Variants in CDH22 observed in about 807,000 individuals in gnomAD.
CDH22 encodes cadherin 22.
CDH22 carries 30 observed loss-of-function variants against 58.4 expected under a neutral mutation model. The ratio of observed to expected loss-of-function variants is 0.51; its 90% CI spans 0.38 to 0.70. The LOEUF (loss-of-function observed/expected upper bound fraction) is 0.70, where lower values mean the gene tolerates loss of function less well. Ranked by LOEUF, CDH22 falls within the 30% of genes least tolerant of loss-of-function variation. The pLI, the probability that CDH22 is intolerant of heterozygous loss-of-function variation, is 0.00. For missense variants in CDH22, 1,014 were observed against 1,233.9 expected (o/e 0.82, Z 2.67); for synonymous variants, 513 against 558.2 (o/e 0.92, Z 1.14).
rs202193739 is a variant in CDH22, at chr20:46,217,234, A to G, written c.671-241T>C. On this transcript the variant is annotated intron_variant, in intron 4 of 11. Coordinates refer to ENST00000537909, the MANE Select transcript of CDH22 (RefSeq NM_021248.3). ...CATGCCCACACAGATATACTCACAC[A>G]TGCTCACACACACGGTCACACAGAT... 4.2e-4 allele frequency among the ~76,000 whole-genome samples: 64 copies of G among 152,204 alleles called. No individual in the cohort carries two copies. In the East Asian group the frequency reaches 0.012, roughly 29 times the overall value.
intron 4 of CDH22, among the ~76,000 whole-genome samples, chr20:46,217,720 C>T (rs906306170): frequency 1.2e-4 from 18 of 152,022 alleles, no homozygotes; most frequent in African/African-American, 3.9e-4. Context: ...TCACAAATAA[C>T]TCATACTCAC....
chr20:46,247,279 C>T (rs549497724), intron 2 of CDH22, among the ~76,000 whole-genome samples: 14 of 152,256 alleles, frequency 9.2e-5, no homozygotes, highest in Admixed American at 2.6e-4. Context: ...GACTCCCCAA[C>T]GCCAGACTTT....
intron 1 of CDH22, among the ~76,000 whole-genome samples, chr20:46,266,807 G>A (rs534831488): frequency 1.4e-4 from 21 of 152,240 alleles, no homozygotes; most frequent in East Asian, 1.9e-4. Context: ...GGGTCATGCC[G>A]GTGTATAGCA....
chr20:46,210,066 C>G lies in CDH22; in HGVS notation c.1286+241G>C. ...CTGTGTCTGTCCCTCCTGGTTCTCTCCCTTATTGGCCTGGCTCGCCTGCCT... is the reference window on the plus strand; with the variant it reads ...CTGTGTCTGTCCCTCCTGGTTCTCTGCCTTATTGGCCTGGCTCGCCTGCCT... On this transcript the variant is annotated intron_variant, in intron 7 of 11. Transcript: ENST00000537909. The surrounding 1 kb of genome is among the most constrained non-coding windows in gnomAD (Gnocchi z 4.5). 1 of 425,096 alleles carries G rather than the reference C, an allele frequency of 2.4e-6. No homozygotes were observed. Among genetic ancestry groups the G allele is most frequent in the Non-Finnish European group, 4.2e-6 (1 of 240,200 alleles). The allele number at this position is 425,096 out of a possible 1,614,324, so 26.3% of individuals were successfully genotyped here.
chr20:46,209,270 C>T (rs892759579), intron 7 of CDH22, among the ~76,000 whole-genome samples: 7 of 152,042 alleles, frequency 4.6e-5, no homozygotes, highest in South Asian at 4.1e-4. Flanking sequence ...CGTTCTAGGC[C>T]GAGGGATCCG....
chr20:46,181,752 C>CTTCCTTTCTTTCT, intron 10 of CDH22, among the ~76,000 whole-genome samples: 49 of 26,264 alleles, frequency 1.9e-3, no homozygotes, highest in African/African-American at 6.2e-3. Flanking sequence ...TCCTTCCTTC[C>CTTCCTTTCTTTCT]TTCTTTCTTT....
At chr20:46,305,405 G>A (rs993630906) in intron 1 of CDH22, among the ~76,000 whole-genome samples, 1 of 152,212 alleles carries the variant, frequency 6.6e-6, no homozygotes, top group African/African-American at 2.4e-5. Context: ...GGGGGCATGA[G>A]GCTTTTCTCT....
chr20:46,293,756 C>G (rs1287416015), intron 1 of CDH22, among the ~76,000 whole-genome samples: 3 of 152,202 alleles, frequency 2.0e-5, no homozygotes, highest in Non-Finnish European at 2.9e-5. Context: ...GTGGCTCATG[C>G]CTGTAATCCC....
At chr20:46,191,445 G>A (rs965042363) in intron 8 of CDH22, among the ~76,000 whole-genome samples, 1 of 152,148 alleles carries the variant, frequency 6.6e-6, no homozygotes, top group Non-Finnish European at 1.5e-5. Context: ...GGGCCAATGG[G>A]AAGGCAAGAG....
chr20:46,175,686 C>G (rs1263525732), intron 11 of CDH22, among the ~76,000 whole-genome samples: 2 of 152,172 alleles, frequency 1.3e-5, no homozygotes, highest in African/African-American at 4.8e-5. Context: ...AAAGTGCGGC[C>G]CCTGGGCAAC....
intron 4 of CDH22, among the ~76,000 whole-genome samples, chr20:46,222,765 G>C (rs1187515464): frequency 1.3e-5 from 2 of 152,248 alleles, no homozygotes; most frequent in African/African-American, 4.8e-5. Context: ...TGGGGGGCCT[G>C]CTGGCAGGCC....
intron 3 of CDH22, among the ~76,000 whole-genome samples, chr20:46,236,686 T>C (rs1247235303): frequency 7.6e-6 from 1 of 131,338 alleles, no homozygotes; most frequent in African/African-American, 3.3e-5. Flanking sequence ...TCTATCTATA[T>C]ATACATAGAG....
intron 1 of CDH22, among the ~76,000 whole-genome samples, chr20:46,257,047 C>T (rs979445277): frequency 2.0e-5 from 3 of 150,648 alleles, no homozygotes; most frequent in African/African-American, 7.3e-5. Context: ...GTGGCTCATA[C>T]CTGTAATCCT....
chr20:46,254,924 G>T (rs1180872040), intron 1 of CDH22, among the ~76,000 whole-genome samples: 2 of 152,218 alleles, frequency 1.3e-5, no homozygotes, highest in Non-Finnish European at 2.9e-5. Flanking sequence ...TGGACATGTG[G>T]AATTTGGGGT....
chr20:46,279,999 G>A (rs1156581757), intron 1 of CDH22, among the ~76,000 whole-genome samples: 1 of 152,164 alleles, frequency 6.6e-6, no homozygotes, highest in African/African-American at 2.4e-5. Context: ...GGAGGAAACC[G>A]GGGCACAGAG....
Position 46,284,472 on chromosome 20 carries a change from C to T in CDH22, c.-400+23783G>A, listed in dbSNP as rs2086566987. ...GAAGCCAAGGAACATTTATTGAATC[C>T]CTGCTGTATGCAAGCTGCTGTGCTG... On this transcript the variant is annotated intron_variant, in intron 1 of 11. Coordinates refer to ENST00000537909, the MANE Select transcript of CDH22 (RefSeq NM_021248.3). Among the ~76,000 whole-genome samples, 3 of 152,164 alleles carry T rather than the reference C, an allele frequency of 2.0e-5. No individual in the cohort carries two copies. The South Asian group carries it at 6.2e-4, about 32-fold the overall frequency.
intron 10 of CDH22, among the ~76,000 whole-genome samples, chr20:46,181,609 TTCCCTCCC>T (rs929451365): frequency 1.4e-5 from 2 of 142,618 alleles, no homozygotes; most frequent in Admixed American, 1.4e-4. Context: ...CCTTCCTTCC[TTCCCTCCC>T]TCCCTCCCTC....
chr20:46,196,083 AC>A (rs932163152), intron 8 of CDH22, among the ~76,000 whole-genome samples: 1 of 152,082 alleles, frequency 6.6e-6, no homozygotes, highest in African/African-American at 2.4e-5. Flanking sequence ...ATGGCCATGC[AC>A]CTGGGGCTCT....
At chr20:46,278,804 T>A (rs2145764943) in intron 1 of CDH22, among the ~76,000 whole-genome samples, 1 of 152,272 alleles carries the variant, frequency 6.6e-6, no homozygotes, top group Middle Eastern at 3.4e-3. Context: ...CCCAGGCTGG[T>A]CTTGAACTCC....
Sources: gnomAD v4.1 joint callset for allele counts (sites outside exome capture counted in the v4.1 genomes callset) on GRCh38, gnomAD v4.1.1 for gene constraint, Gnocchi (gnomAD v3.1) non-coding constraint, MANE v1.5 for transcripts, NCBI Gene and HGNC (gene_info 2026-07-23, HGNC 2026-07-21) for gene names.